Variants in SRM observed in about 807,000 individuals in gnomAD.
The protein encoded by SRM is spermidine synthase.
SRM carries 14 observed loss-of-function variants against 39.3 expected under a neutral mutation model. That is an observed-to-expected ratio of 0.36 (90% CI 0.24 to 0.56). The LOEUF (loss-of-function observed/expected upper bound fraction) is 0.56, where lower values mean the gene tolerates loss of function less well. Ranked by LOEUF, SRM falls within the 20% of genes least tolerant of loss-of-function variation. The pLI, the probability that SRM is intolerant of heterozygous loss-of-function variation, is 0.86. For missense variants in SRM, 244 were observed against 409.2 expected (o/e 0.60, Z 3.48); for synonymous variants, 195 against 173.1 (o/e 1.13, Z -0.99).
intron 2 of SRM, 151 bp from the exon 3 acceptor site, chr1:11,059,043 T>G: frequency 7.4e-7 from 1 of 1,343,596 alleles, no homozygotes; most frequent in South Asian, 1.4e-5. Context: ...TTCCTGGAAG[T>G]TCCTTCCAGG....
At chr1:11,056,522 A>G in intron 4 of SRM, 82 bp downstream of exon 4, 11 of 1,565,940 alleles carry the variant, frequency 7.0e-6, no homozygotes, top group Non-Finnish European at 8.7e-6. Flanking sequence ...AGGCCGCTCT[A>G]TCCTTTACTC....
chr1:11,056,908 C>CAAA, intron 3 of SRM, 151 bp from the exon 4 acceptor site: 1 of 763,316 alleles, frequency 1.3e-6, no homozygotes, highest in Non-Finnish European at 2.1e-6. Context: ...GACAGGGTCT[C>CAAA]ACTTTGTGGC....
intron 1 of SRM, 129 bp from the exon 2 acceptor site, chr1:11,059,474 C>T: frequency 6.7e-7 from 1 of 1,483,832 alleles, no homozygotes; most frequent in Non-Finnish European, 9.1e-7. Flanking sequence ...GATGGTGACA[C>T]GTGGCGAGGA....
Position 11,054,863 on chromosome 1 carries a change from G to C in SRM, c.*2C>G. Reference sequence around the variant, plus strand: ...GGGTGGCATCAGTGGTGGCGCCTGGGCTCAGCTCACATCATTCAGGGCCTG... The same window carrying C: ...GGGTGGCATCAGTGGTGGCGCCTGGCCTCAGCTCACATCATTCAGGGCCTG... On this transcript the variant is annotated 3_prime_UTR_variant, in exon 8 of 8. Transcript: ENST00000376957. The surrounding 1 kb of genome is among the most constrained non-coding windows in gnomAD (Gnocchi z 4.8). 1.2e-6 allele frequency: 2 copies of C among 1,606,688 alleles called. No individual in the cohort carries two copies. The highest frequency in any genetic ancestry group is 1.7e-6 in the Non-Finnish European group (2 of 1,176,440).
chr1:11,055,728 C>T, intron 6 of SRM, 53 bp downstream of exon 6: 1 of 1,530,686 alleles, frequency 6.5e-7, no homozygotes. Flanking sequence ...GCAGGGATCT[C>T]TATTTATGCC....
chr1:11,056,909 A>T, intron 3 of SRM, 152 bp from the exon 4 acceptor site: 1 of 764,068 alleles, frequency 1.3e-6, no homozygotes. Context: ...ACAGGGTCTC[A>T]CTTTGTGGCC....
chr1:11,059,820 G>A lies in SRM; in HGVS notation c.124C>T (p.His42Tyr). The change falls in exon 1 of 8, where the codon CAC becomes TAC. Residue 42 changes from histidine (H) to tyrosine (Y), a missense_variant. Coordinates refer to ENST00000376957, the MANE Select transcript of SRM (RefSeq NM_003132.3). ...ALSLQVEQLLHHRRSRYQDIL... is the reference protein window; with the variant it reads ...ALSLQVEQLLYHRRSRYQDIL... ...TCCTGGTAGCGCGAGCGCCGGTGGTGGAGCAGCTGCTCCACCTGCAGTGAC... is the reference window on the plus strand; with the variant it reads ...TCCTGGTAGCGCGAGCGCCGGTGGTAGAGCAGCTGCTCCACCTGCAGTGAC... 1.3e-6 allele frequency: 2 copies of A among 1,576,776 alleles called. No individual in the cohort carries two copies. Among genetic ancestry groups the A allele is most frequent in the Non-Finnish European group, 1.7e-6 (2 of 1,171,172 alleles).
At chr1:11,059,152 G>T in intron 2 of SRM, 73 bp downstream of exon 2, 1 of 1,602,946 alleles carries the variant, frequency 6.2e-7, no homozygotes, top group Non-Finnish European at 8.5e-7. Context: ...CATGCAGGCA[G>T]CATCTGGGAA....
chr1:11,055,265 A>AT, intron 6 of SRM, 181 bp from the exon 7 acceptor site: 3 of 888,578 alleles, frequency 3.4e-6, no homozygotes, highest in Admixed American at 3.7e-5. Flanking sequence ...ACGCCCGGCT[A>AT]ATTTTTTTTT....
At chr1:11,057,594 C>T (rs12122160) in intron 3 of SRM, among the ~76,000 whole-genome samples, 7,781 of 150,922 alleles carry the variant, frequency 0.052, 282 homozygotes, top group East Asian at 0.13. Flanking sequence ...CAATTCCAAC[C>T]TCTGGCCAGG....
chr1:11,056,283 G>T (rs1391460638), intron 4 of SRM, among the ~76,000 whole-genome samples, 189 bp from the exon 5 acceptor site: 1 of 152,140 alleles, frequency 6.6e-6, no homozygotes, highest in African/African-American at 2.4e-5. Context: ...CTAGGCCTTC[G>T]TTCAAGACTA....
intron 2 of SRM, 28 bp downstream of exon 2, chr1:11,059,197 G>A (rs1470428929): frequency 6.2e-7 from 1 of 1,613,110 alleles, no homozygotes; most frequent in African/African-American, 1.3e-5. Context: ...CCCCTCGTCC[G>A]GCACTGTTCC....
In SRM at chr1:11,055,046, C is replaced by T. The variant is rs1638845765; in HGVS notation, c.804G>A (p.Gln268=). The T allele has an allele frequency of 6.2e-6, 10 of 1,612,102 alleles. No individual in the cohort carries two copies. Among genetic ancestry groups the T allele is most frequent in the Non-Finnish European group, 8.5e-6 (10 of 1,179,526 alleles). The change falls in exon 7 of 8, where the codon CAG becomes CAA. Residue 268 remains glutamine, a synonymous_variant. Coordinates refer to ENST00000376957, the MANE Select transcript of SRM (RefSeq NM_003132.3). ...TCAGCTGCATCTGCGCCACCTGCTG[C>T]TGTGTCAGCGGCTGCACCGGCTCCT... ...NFQEPVQPLT[Q]QQVAQMQLKY... is the part of the protein sequence containing the mutation.
intron 1 of SRM, 78 bp downstream of exon 1, chr1:11,059,699 G>A: frequency 6.8e-7 from 1 of 1,463,738 alleles, no homozygotes; most frequent in East Asian, 2.6e-5. Context: ...GGGTCCCGGC[G>A]TGGAGAGGCC....
chr1:11,058,961 C>A (rs1557683747), intron 2 of SRM, 69 bp from the exon 3 acceptor site: 14 of 1,428,892 alleles, frequency 9.8e-6, no homozygotes, highest in Non-Finnish European at 1.3e-5. Flanking sequence ...CTGAAGCAGA[C>A]CCCCTGACCC....
intron 1 of SRM, 67 bp downstream of exon 1, chr1:11,059,710 C>T (rs1570769197): frequency 1.3e-6 from 2 of 1,501,120 alleles, no homozygotes; most frequent in South Asian, 1.2e-5. Context: ...TGGAGAGGCC[C>T]GTGAGGCGGG....
intron 2 of SRM, 104 bp downstream of exon 2, chr1:11,059,121 G>C: frequency 6.3e-7 from 1 of 1,575,700 alleles, no homozygotes; most frequent in Non-Finnish European, 8.6e-7. Flanking sequence ...CCCTGGCCTC[G>C]CTAGCACTTT....
intron 1 of SRM, 57 bp downstream of exon 1, chr1:11,059,720 G>A: frequency 6.6e-7 from 1 of 1,521,578 alleles, no homozygotes; most frequent in Non-Finnish European, 8.7e-7. Flanking sequence ...CGTGAGGCGG[G>A]CAGCAGGCGG....
intron 4 of SRM, 68 bp from the exon 5 acceptor site, chr1:11,056,162 C>G: frequency 7.0e-7 from 1 of 1,426,546 alleles, no homozygotes; most frequent in East Asian, 2.4e-5. Flanking sequence ...GTCACCCACA[C>G]AGCTACCAGG....
Sources: allele counts gnomAD v4.1 joint callset (sites outside exome capture counted in the v4.1 genomes callset), GRCh38; gene constraint gnomAD v4.1.1; non-coding constraint Gnocchi (gnomAD v3.1); transcripts MANE v1.5; gene names NCBI Gene and HGNC (gene_info 2026-07-23, HGNC 2026-07-21).